Variants in CATSPERE observed in about 807,000 individuals in gnomAD.
CATSPERE encodes cation channel sperm-associated auxiliary subunit epsilon.
A neutral mutation model predicts 114.1 loss-of-function variants in CATSPERE; 93 were observed. The ratio of observed to expected loss-of-function variants is 0.81; its 90% CI spans 0.69 to 0.97. CATSPERE has a LOEUF of 0.97. CATSPERE is among the 50% of genes least tolerant of loss of function. The pLI, the probability that CATSPERE is intolerant of heterozygous loss-of-function variation, is 0.00. For synonymous variants in CATSPERE, 341 were observed against 384.1 expected (o/e 0.89, Z 1.31); for missense variants, 1,058 against 1,131.6 (o/e 0.93, Z 0.93).
At chr1:244,606,443 G>A (rs561264875) in intron 18 of CATSPERE, among the ~76,000 whole-genome samples, 5 of 146,300 alleles carry the variant, frequency 3.4e-5, no homozygotes, top group Admixed American at 6.8e-5. Flanking sequence ...GATTTCACTC[G>A]CAAAAAAAAA....
chr1:244,627,671 C>A (rs1388773192), intron 20 of CATSPERE, among the ~76,000 whole-genome samples: 1 of 152,108 alleles, frequency 6.6e-6, no homozygotes, highest in African/African-American at 2.4e-5. Context: ...GTGTTAATCC[C>A]GTGTTGAGCA....
intron 4 of CATSPERE, 114 bp from the exon 5 acceptor site, chr1:244,479,603 C>T (rs1271114010): frequency 2.1e-6 from 1 of 486,282 alleles, no homozygotes; most frequent in Non-Finnish European, 3.7e-6. Flanking sequence ...CTTTATTCTG[C>T]TTCCTCTGAT....
At chr1:244,485,706 T>G (rs537776398) in intron 5 of CATSPERE, among the ~76,000 whole-genome samples, 8 of 151,744 alleles carry the variant, frequency 5.3e-5, no homozygotes, top group African/African-American at 1.9e-4. Context: ...TTTTTTGTTT[T>G]TTTTTTTTTG....
intron 21 of CATSPERE, among the ~76,000 whole-genome samples, chr1:244,636,101 G>A (rs1392354976): frequency 1.3e-5 from 2 of 152,150 alleles, no homozygotes; most frequent in African/African-American, 4.8e-5. Context: ...TCTGCTCTAA[G>A]CCTGGGTCAG....
intron 8 of CATSPERE, among the ~76,000 whole-genome samples, chr1:244,542,562 C>T (rs906687832): frequency 6.6e-6 from 1 of 151,762 alleles, no homozygotes; most frequent in Admixed American, 6.6e-5. Flanking sequence ...CTCCCACTTA[C>T]TTATAAGTGA....
At chr1:244,635,289 G>GA (rs1323603962) in intron 20 of CATSPERE, among the ~76,000 whole-genome samples, 200 bp from the exon 21 acceptor site, 1 of 152,086 alleles carries the variant, frequency 6.6e-6, no homozygotes, top group African/African-American at 2.4e-5. Context: ...AGCTCTTCAG[G>GA]AATCTCAGAG....
intron 2 of CATSPERE, among the ~76,000 whole-genome samples, chr1:244,468,518 GC>G (rs773653797): frequency 1.6e-4 from 24 of 152,288 alleles, no homozygotes; most frequent in South Asian, 6.2e-4. Context: ...TTTTAGAAAT[GC>G]AAATTGGACC....
intron 8 of CATSPERE, among the ~76,000 whole-genome samples, chr1:244,522,540 A>C (rs1003237345): frequency 3.1e-4 from 47 of 152,160 alleles, no homozygotes; most frequent in South Asian, 2.1e-4. Flanking sequence ...ATTAACGAAT[A>C]CAGGAGTTGG....
chr1:244,615,963 A>T (rs1671332494), intron 19 of CATSPERE, among the ~76,000 whole-genome samples: 1 of 151,134 alleles, frequency 6.6e-6, no homozygotes, highest in Non-Finnish European at 1.5e-5. Flanking sequence ...AAAAAAAAAA[A>T]AAAAAAAAGT....
chr1:244,567,536 G>A (rs1663779687), intron 10 of CATSPERE, among the ~76,000 whole-genome samples: 2 of 151,848 alleles, frequency 1.3e-5, no homozygotes, highest in Admixed American at 1.3e-4. Flanking sequence ...TGAAGGATTT[G>A]TTCATTCATT....
intron 2 of CATSPERE, among the ~76,000 whole-genome samples, chr1:244,472,051 T>C (rs561133559): frequency 6.6e-6 from 1 of 152,290 alleles, no homozygotes; most frequent in Non-Finnish European, 1.5e-5. Context: ...CTCAAACTCC[T>C]GGACTCAAGT....
At chr1:244,490,230 C>A (rs1226484174) in intron 5 of CATSPERE, among the ~76,000 whole-genome samples, 4 of 152,206 alleles carry the variant, frequency 2.6e-5, no homozygotes, top group African/African-American at 9.7e-5. Flanking sequence ...TTAAGCCACT[C>A]AGCCTTCTGT....
chr1:244,493,720 C>T (rs897456137), intron 6 of CATSPERE, among the ~76,000 whole-genome samples: 2 of 152,178 alleles, frequency 1.3e-5, no homozygotes, highest in Non-Finnish European at 2.9e-5. Context: ...GGACTAATAT[C>T]CAGAATCTAC....
At chr1:244,599,982 A>G (rs1668969044) in intron 17 of CATSPERE, among the ~76,000 whole-genome samples, 1 of 152,182 alleles carries the variant, frequency 6.6e-6, no homozygotes, top group African/African-American at 2.4e-5. Context: ...ATAGATGAGT[A>G]TGTTTACAGT....
At chr1:244,462,398 G>A (rs181054920) in intron 1 of CATSPERE, among the ~76,000 whole-genome samples, 16 of 152,284 alleles carry the variant, frequency 1.1e-4, no homozygotes, top group South Asian at 2.1e-4. Flanking sequence ...GTGACTCTTT[G>A]AGCTACTGTT....
At chr1:244,540,176 G>T (rs1275481643) in intron 8 of CATSPERE, among the ~76,000 whole-genome samples, 2 of 151,422 alleles carry the variant, frequency 1.3e-5, no homozygotes, top group Admixed American at 6.6e-5. Flanking sequence ...GGCAGGAGAA[G>T]GAAATAAAGG....
chr1:244,583,876 G>A lies in CATSPERE; in HGVS notation c.2022G>A (p.Thr674=), dbSNP rs191731574. The A allele has an allele frequency of 1.9e-5, 31 of 1,613,946 alleles. No homozygotes were observed. In the East Asian group the frequency reaches 4.7e-4, roughly 24 times the overall value. Residue 674 remains threonine, a synonymous_variant, in exon 13 of 22, where the codon ACG becomes ACA. Coordinates refer to ENST00000366534, the MANE Select transcript of CATSPERE (RefSeq NM_001130957.2). ...TTGTTTCTCCTAGAGACAAGCACAC[G>A]GGTCTTGTGCTGGTTCAGTTTCGAC... ...SDYFETQDKH[T]GLVLVQFRPS... is the part of the protein sequence containing the mutation.
intron 7 of CATSPERE, among the ~76,000 whole-genome samples, chr1:244,516,434 A>G (rs923773373): frequency 1.3e-5 from 2 of 152,124 alleles, no homozygotes; most frequent in East Asian, 1.9e-4. Flanking sequence ...TGTAGCCTCA[A>G]ACTCCTGGGT....
intron 10 of CATSPERE, among the ~76,000 whole-genome samples, chr1:244,563,882 G>A (rs535852962): frequency 6.6e-6 from 1 of 152,148 alleles, no homozygotes; most frequent in Non-Finnish European, 1.5e-5. Flanking sequence ...GGGTTTTTGT[G>A]GTGTTAGGTC....
Sources: allele counts gnomAD v4.1 joint callset (sites outside exome capture counted in the v4.1 genomes callset), GRCh38; gene constraint gnomAD v4.1.1; transcripts MANE v1.5; gene names NCBI Gene and HGNC (gene_info 2026-07-23, HGNC 2026-07-21).